INVS: variants seen among roughly 807,000 people sequenced by gnomAD.
INVS encodes the protein inversion of embryo turning homolog.
In INVS, 86 loss-of-function variants were observed where a neutral mutation model predicts 108.8. That is an observed-to-expected ratio of 0.79 (90% CI 0.66 to 0.95). The LOEUF (loss-of-function observed/expected upper bound fraction) is 0.95, where lower values mean the gene tolerates loss of function less well. Among genes scored for constraint, INVS ranks in the 40% least tolerant of loss-of-function variants. The pLI, the probability that INVS is intolerant of heterozygous loss-of-function variation, is 0.00. For synonymous variants in INVS, 455 were observed against 473.5 expected (o/e 0.96, Z 0.51); for missense variants, 1,169 against 1,297.4 (o/e 0.90, Z 1.52).
chr9:100,113,862 A>C (rs1358613921), intron 2 of INVS, among the ~76,000 whole-genome samples: 1 of 152,194 alleles, frequency 6.6e-6, no homozygotes, highest in East Asian at 1.9e-4. Flanking sequence ...CATTTCTAGC[A>C]TTCTATTTTC....
In INVS at chr9:100,284,513, G is replaced by A. The variant is rs1833374932; in HGVS notation, c.1978G>A (p.Gly660Arg). 2 of 1,613,970 alleles carry A rather than the reference G, an allele frequency of 1.2e-6. No individual in the cohort carries two copies. The highest frequency in any genetic ancestry group is 1.7e-5 in the Admixed American group (1 of 59,992). The part of the protein sequence containing the change: ...AQGPEPRDSR[G>R]SPGGSLGGAL... ...AGGCCCTGAGCCAAGAGACAGCAGA[G>A]GATCTCCAGGAGGGTCTCTAGGCGG... Residue 660 changes from glycine to arginine, a missense_variant, in exon 13 of 17, where the codon GGA becomes AGA. Coordinates refer to ENST00000262457, the MANE Select transcript of INVS (RefSeq NM_014425.5).
intron 14 of INVS, among the ~76,000 whole-genome samples, chr9:100,293,776 A>C (rs1440599336): frequency 6.6e-6 from 1 of 152,200 alleles, no homozygotes; most frequent in Non-Finnish European, 1.5e-5. Flanking sequence ...CACGTCTCAT[A>C]ATCTCTTTCA....
Position 100,251,662 on chromosome 9 carries a change from G to T in INVS, c.1079-621G>T, listed in dbSNP as rs897416284. On this transcript the variant is annotated intron_variant, in intron 8 of 16. Transcript: ENST00000262457. ...TCCTCCTGCCTCAGCCTCCCAAGTAGCTGGGACTATAGACATGTGCCACCT... is the reference window on the plus strand; with the variant it reads ...TCCTCCTGCCTCAGCCTCCCAAGTATCTGGGACTATAGACATGTGCCACCT... Among the ~76,000 whole-genome samples, 24 of 152,296 alleles carry T rather than the reference G, an allele frequency of 1.6e-4. No individual in the cohort carries two copies. The East Asian group carries it at 4.6e-3, about 29-fold the overall frequency.
At chr9:100,227,107 A>C (rs189160732) in intron 4 of INVS, among the ~76,000 whole-genome samples, 1 of 152,250 alleles carries the variant, frequency 6.6e-6, no homozygotes, top group Non-Finnish European at 1.5e-5. Flanking sequence ...TAGGTTCAGC[A>C]TAGTATTACA....
chr9:100,219,562 A>T (rs1430300872), intron 3 of INVS, among the ~76,000 whole-genome samples: 1 of 152,248 alleles, frequency 6.6e-6, no homozygotes, highest in African/African-American at 2.4e-5. Context: ...ATGAATGTTA[A>T]CTTGGAGTAG....
At chr9:100,192,830 T>A (rs146115850) in intron 3 of INVS, among the ~76,000 whole-genome samples, 2,177 of 152,296 alleles carry the variant, frequency 0.014, 51 homozygotes, top group African/African-American at 0.05. Context: ...ATATGCTTAA[T>A]AATAATTTAT....
Position 100,298,617 on chromosome 9 carries a change from C to G in INVS, c.3091+607C>G, listed in dbSNP as rs142765051. Among the ~76,000 whole-genome samples the G allele has an allele frequency of 6.7e-3, 850 of 126,728 alleles. 4 individuals carry two copies. Among genetic ancestry groups the G allele is most frequent in the Non-Finnish European group, 0.012 (683 of 57,664 alleles). The allele number at this position is 126,728 out of a possible 152,430, so 83.1% of individuals were successfully genotyped here. ...AGGTGGCTATGGCAACACGCTCCCC[C>G]CTGCCTCCTCGATCCACACAGTCAT... is the stretch of plus-strand genomic sequence containing the variant. On this transcript the variant is annotated intron_variant, in intron 16 of 16. Coordinates refer to ENST00000262457, the MANE Select transcript of INVS (RefSeq NM_014425.5).
At chr9:100,218,221 A>T (rs944479038) in intron 3 of INVS, among the ~76,000 whole-genome samples, 9 of 152,210 alleles carry the variant, frequency 5.9e-5, no homozygotes, top group Non-Finnish European at 1.0e-4. Flanking sequence ...TTATATATAT[A>T]TAGTGAGCAA....
intron 3 of INVS, among the ~76,000 whole-genome samples, chr9:100,128,272 A>G (rs1027643446): frequency 5.9e-5 from 9 of 152,336 alleles, no homozygotes; most frequent in Admixed American, 3.9e-4. Context: ...AGTATCGAAG[A>G]ATAAATAGAA....
chr9:100,139,035 AT>A (rs1828333545), intron 3 of INVS, among the ~76,000 whole-genome samples: 1 of 152,170 alleles, frequency 6.6e-6, no homozygotes, highest in South Asian at 2.1e-4. Context: ...TCAAAACATT[AT>A]TTAATCAAAA....
intron 3 of INVS, among the ~76,000 whole-genome samples, chr9:100,186,194 G>C (rs1266524936): frequency 6.6e-6 from 1 of 151,970 alleles, no homozygotes; most frequent in Non-Finnish European, 1.5e-5. Context: ...CCGTCACCCA[G>C]GCTGGAGTGC....
chr9:100,188,097 T>C (rs1179485470), intron 3 of INVS, among the ~76,000 whole-genome samples: 2 of 152,218 alleles, frequency 1.3e-5, no homozygotes, highest in Non-Finnish European at 2.9e-5. Flanking sequence ...TAGGGTTTTG[T>C]AGGTGTACAA....
At chr9:100,237,591 T>C (rs1564170987) in intron 5 of INVS, among the ~76,000 whole-genome samples, 1 of 152,158 alleles carries the variant, frequency 6.6e-6, no homozygotes, top group Non-Finnish European at 1.5e-5. Context: ...CATCACGGCT[T>C]CCCTTGACTA....
rs767989658 is a variant in INVS, at chr9:100,292,529, G to A, written c.2272G>A (p.Glu758Lys). 8 of 1,614,172 alleles carry A rather than the reference G, an allele frequency of 5.0e-6. No individual in the cohort carries two copies. The Admixed American group carries it at 1.2e-4, about 24-fold the overall frequency. ...IRVAGPDEKG[E>K]DSRRAAASLP... ...GGTGGCTGGGCCTGATGAGAAAGGA[G>A]AGGACTCCAGGCGGGCAGCTGCAAG... is the stretch of plus-strand genomic sequence containing the variant. The change falls in exon 14 of 17, where the codon GAG (glutamate) becomes AAG (lysine). Residue 758 changes from glutamate to lysine, a missense_variant. Glu to Lys is a moderately conservative substitution (Grantham distance 56). This residue lies in a region of INVS where 533 missense variants were observed against 536.0 expected (regional missense o/e 0.99). Coordinates refer to ENST00000262457, the MANE Select transcript of INVS (RefSeq NM_014425.5).
chr9:100,191,423 T>G (rs548420057), intron 3 of INVS, among the ~76,000 whole-genome samples: 33 of 152,302 alleles, frequency 2.2e-4, no homozygotes, highest in African/African-American at 7.7e-4. Flanking sequence ...ATTCAAAAGC[T>G]TTGTCTCCAA....
At chr9:100,259,126 G>T (rs570096410) in intron 10 of INVS, among the ~76,000 whole-genome samples, 8 of 152,152 alleles carry the variant, frequency 5.3e-5, no homozygotes, top group Admixed American at 1.3e-4. Flanking sequence ...AATGGCGGAC[G>T]CCCCTCCCCC....
intron 4 of INVS, among the ~76,000 whole-genome samples, chr9:100,228,599 G>T (rs1311985780): frequency 6.6e-6 from 1 of 152,120 alleles, no homozygotes; most frequent in Non-Finnish European, 1.5e-5. Context: ...ATAAATGACT[G>T]GGCCGCTTTC....
intron 3 of INVS, chr9:100,131,849 A>G (rs1050039765): frequency 3.5e-5 from 29 of 820,418 alleles, no homozygotes; most frequent in Admixed American, 6.2e-5. Flanking sequence ...TCATCTATGA[A>G]AATTGAATGT....
chr9:100,228,684 T>C (rs182084881), intron 4 of INVS, among the ~76,000 whole-genome samples: 16 of 152,292 alleles, frequency 1.1e-4, no homozygotes, highest in African/African-American at 3.4e-4. Context: ...GGAGTCAGAC[T>C]GCCTGGGTTA....
Sources: allele counts gnomAD v4.1 joint callset (sites outside exome capture counted in the v4.1 genomes callset), GRCh38; gene constraint gnomAD v4.1.1; regional missense constraint gnomAD v4.1.1; transcripts MANE v1.5; gene names NCBI Gene and HGNC (gene_info 2026-07-23, HGNC 2026-07-21).